Variants in SMARCC1 observed in about 807,000 individuals in gnomAD.
SMARCC1 encodes the protein SWI/SNF complex subunit SMARCC1.
SMARCC1 carries 43 observed loss-of-function variants against 147.4 expected under a neutral mutation model. The ratio of observed to expected loss-of-function variants is 0.29; its 90% CI spans 0.23 to 0.38. The LOEUF is 0.38. Among genes scored for constraint, SMARCC1 ranks in the 10% least tolerant of loss-of-function variants. SMARCC1 has a pLI of 1.00. For missense variants in SMARCC1, 1,119 were observed against 1,381.1 expected (o/e 0.81, Z 3.01); for synonymous variants, 495 against 484.4 (o/e 1.02, Z -0.29).
intron 15 of SMARCC1, among the ~76,000 whole-genome samples, chr3:47,679,162 C>A (rs1449439464): frequency 6.6e-6 from 1 of 150,952 alleles, no homozygotes; most frequent in Non-Finnish European, 1.5e-5. Flanking sequence ...ATGCAGGCAG[C>A]CAAGATCACA....
At chr3:47,694,329 G>C (rs939872588) in intron 11 of SMARCC1, among the ~76,000 whole-genome samples, 42 of 152,182 alleles carry the variant, frequency 2.8e-4, no homozygotes, top group African/African-American at 9.9e-4. Context: ...GGCCAGGTGA[G>C]GTGGCTCATG....
intron 26 of SMARCC1, among the ~76,000 whole-genome samples, chr3:47,593,044 C>T (rs1236977432): frequency 6.6e-6 from 1 of 151,948 alleles, no homozygotes; most frequent in Non-Finnish European, 1.5e-5. Flanking sequence ...CCAAGCTGAT[C>T]TTGAACTCCT....
At chr3:47,721,996 T>C (rs2034238070) in intron 6 of SMARCC1, among the ~76,000 whole-genome samples, 1 of 152,112 alleles carries the variant, frequency 6.6e-6, no homozygotes, top group East Asian at 1.9e-4. Context: ...CACTTCAGGC[T>C]GGGCAAAAAT....
intron 9 of SMARCC1, among the ~76,000 whole-genome samples, chr3:47,707,858 G>A (rs558577205): frequency 7.2e-5 from 11 of 152,230 alleles, no homozygotes; most frequent in Admixed American, 2.0e-4. Context: ...CAGCCTAGGC[G>A]ATAGAATGAG....
At chr3:47,687,088 G>A (rs1019608678) in intron 13 of SMARCC1, among the ~76,000 whole-genome samples, 6 of 152,164 alleles carry the variant, frequency 3.9e-5, no homozygotes, top group African/African-American at 9.6e-5. Flanking sequence ...TAAATCTCCT[G>A]TTACAGTATT....
intron 5 of SMARCC1, among the ~76,000 whole-genome samples, chr3:47,734,175 T>G (rs1007549850): frequency 6.6e-6 from 1 of 152,156 alleles, no homozygotes; most frequent in African/African-American, 2.4e-5. Context: ...TTTGTTCTAC[T>G]TCTGCCCTGG....
chr3:47,725,695 G>A (rs1015589445), intron 6 of SMARCC1, among the ~76,000 whole-genome samples: 44 of 151,734 alleles, frequency 2.9e-4, no homozygotes, highest in African/African-American at 1.0e-3. Context: ...CAGGTGATCC[G>A]CCTGCCTCAG....
intron 26 of SMARCC1, among the ~76,000 whole-genome samples, chr3:47,608,077 A>G (rs951229986): frequency 2.0e-5 from 3 of 152,222 alleles, no homozygotes; most frequent in South Asian, 2.1e-4. Flanking sequence ...AGGCTTTCCT[A>G]TAAGAACTGA....
chr3:47,743,492 A>G (rs145447692), intron 3 of SMARCC1, among the ~76,000 whole-genome samples: 231 of 151,990 alleles, frequency 1.5e-3, no homozygotes, highest in Non-Finnish European at 2.6e-3. Context: ...GTATCTTTCT[A>G]AACTACTGCA....
chr3:47,713,226 T>G (rs2034111462), intron 8 of SMARCC1, among the ~76,000 whole-genome samples: 1 of 151,368 alleles, frequency 6.6e-6, no homozygotes, highest in East Asian at 1.9e-4. Flanking sequence ...AAGGCTGAGG[T>G]AGAATGGTGT....
chr3:47,643,537 A>G (rs1265382119), intron 21 of SMARCC1, among the ~76,000 whole-genome samples: 1 of 152,226 alleles, frequency 6.6e-6, no homozygotes, highest in Non-Finnish European at 1.5e-5. Context: ...AAAGAAAAAA[A>G]AAAGCAAGTC....
chr3:47,705,239 C>T (rs1325003842), intron 10 of SMARCC1, among the ~76,000 whole-genome samples: 4 of 146,746 alleles, frequency 2.7e-5, no homozygotes, highest in East Asian at 2.1e-4. Flanking sequence ...GCAGGACAAT[C>T]GCTTGAACAT....
At chr3:47,772,371 C>A (rs1249965014) in intron 2 of SMARCC1, among the ~76,000 whole-genome samples, 2 of 152,170 alleles carry the variant, frequency 1.3e-5, no homozygotes, top group Non-Finnish European at 2.9e-5. Flanking sequence ...CCAGCCTGGG[C>A]AACAGAACAA....
intron 21 of SMARCC1, among the ~76,000 whole-genome samples, chr3:47,653,419 T>C (rs1180325561): frequency 6.6e-6 from 1 of 152,244 alleles, no homozygotes; most frequent in Non-Finnish European, 1.5e-5. Flanking sequence ...AATACCTATG[T>C]GTACACATTT....
At chr3:47,628,039 T>A (rs2032837214) in intron 24 of SMARCC1, among the ~76,000 whole-genome samples, 1 of 151,010 alleles carries the variant, frequency 6.6e-6, no homozygotes, top group African/African-American at 2.5e-5. Context: ...CTTTATAGCA[T>A]GTCTCCTATA....
At chr3:47,664,034 G>A in intron 19 of SMARCC1, 3 of 644,950 alleles carry the variant, frequency 4.7e-6, no homozygotes, top group Non-Finnish European at 5.2e-6. Context: ...TCCTTTGAGA[G>A]GCCCATGCGT....
chr3:47,615,953 G>A (rs1017240117), intron 25 of SMARCC1, among the ~76,000 whole-genome samples: 5 of 152,118 alleles, frequency 3.3e-5, no homozygotes, highest in African/African-American at 1.2e-4. Flanking sequence ...CAAAGTGCTG[G>A]GATTACAGGC....
chr3:47,617,353 A>T (rs2032659198), intron 25 of SMARCC1, among the ~76,000 whole-genome samples: 1 of 152,240 alleles, frequency 6.6e-6, no homozygotes, highest in Admixed American at 6.5e-5. Flanking sequence ...TTTCTTGCTT[A>T]TGGCTTCCTC....
intron 26 of SMARCC1, among the ~76,000 whole-genome samples, chr3:47,607,608 G>A (rs1367271947): frequency 1.3e-5 from 2 of 152,294 alleles, no homozygotes; most frequent in East Asian, 3.9e-4. Flanking sequence ...GGGTGAACTG[G>A]AATTAAAAGT....
Sources: allele counts gnomAD v4.1 joint callset (sites outside exome capture counted in the v4.1 genomes callset), GRCh38; gene constraint gnomAD v4.1.1; transcripts MANE v1.5; gene names NCBI Gene and HGNC (gene_info 2026-07-23, HGNC 2026-07-21).